The following CDNF variants were observed in gnomAD, a reference collection of about 807,000 sequenced individuals.
CDNF encodes the protein cerebral dopamine neurotrophic factor.
A neutral mutation model predicts 14.8 loss-of-function variants in CDNF; 9 were observed. That is an observed-to-expected ratio of 0.61 (90% confidence interval 0.37 to 1.06). The LOEUF is 1.06. Among genes scored for constraint, CDNF ranks in the 50% least tolerant of loss-of-function variants. The probability of loss-of-function intolerance (pLI) is 0.01; values close to 1 mark genes in which losing one functional copy is unlikely to be tolerated. For missense variants in CDNF, 228 were observed against 228.4 expected (o/e 1.00, Z 0.01); for synonymous variants, 86 against 87.2 (o/e 0.99, Z 0.07).
At chr10:14,820,508 C>T (rs1469560035) in intron 3 of CDNF, among the ~76,000 whole-genome samples, 1 of 152,046 alleles carries the variant, frequency 6.6e-6, no homozygotes, top group Non-Finnish European at 1.5e-5. Context: ...GGGAGGATTG[C>T]CTGAGGTCAG....
intron 1 of CDNF, among the ~76,000 whole-genome samples, chr10:14,829,711 C>T (rs1313590612): frequency 2.6e-5 from 4 of 152,114 alleles, no homozygotes; most frequent in Non-Finnish European, 5.9e-5. Context: ...CTCTCTGCAA[C>T]CTCTGCCTCC....
chr10:14,823,401 T>C (rs1833753879), intron 3 of CDNF, among the ~76,000 whole-genome samples: 1 of 152,212 alleles, frequency 6.6e-6, no homozygotes, highest in African/African-American at 2.4e-5. Context: ...CTCAATAATA[T>C]CTGATTTTTC....
chr10:14,824,640 C>T (rs1249729036), intron 3 of CDNF, among the ~76,000 whole-genome samples: 1 of 150,998 alleles, frequency 6.6e-6, no homozygotes, highest in Non-Finnish European at 1.5e-5. Flanking sequence ...ACATCTCCTT[C>T]CTTTTCTTGC....
At chr10:14,829,882 G>A (rs1669733142) in intron 1 of CDNF, among the ~76,000 whole-genome samples, 1 of 152,038 alleles carries the variant, frequency 6.6e-6, no homozygotes, top group Admixed American at 6.6e-5. Flanking sequence ...TGCCCATCTC[G>A]GCCTCCCAAA....
chr10:14,835,411 T>C (rs1209449086), intron 1 of CDNF, among the ~76,000 whole-genome samples: 1 of 152,088 alleles, frequency 6.6e-6, no homozygotes, highest in African/African-American at 2.4e-5. Flanking sequence ...ATCATGACCA[T>C]GAAGAGAAGG....
At chr10:14,825,786 G>A (rs764495910) in intron 2 of CDNF, among the ~76,000 whole-genome samples, 166 bp from the exon 3 acceptor site, 7 of 151,852 alleles carry the variant, frequency 4.6e-5, no homozygotes, top group Non-Finnish European at 8.8e-5. Flanking sequence ...ATCATTTGAG[G>A]TCAGGAGTTC....
Position 14,837,230 on chromosome 10 carries a change from G to A in CDNF, c.115+602C>T, listed in dbSNP as rs563138954. On this transcript the variant is annotated intron_variant, in intron 1 of 3. Coordinates refer to ENST00000465530, the MANE Select transcript of CDNF (RefSeq NM_001029954.3). ...CAAAAACCAAAGTCTCAGAGCTAGG[G>A]GACTTGGTGGGATACAGACTCACGT... Among the ~76,000 whole-genome samples the A allele has an allele frequency of 3.3e-5, 5 of 152,274 alleles. No individual in the cohort carries two copies. The South Asian group carries it at 1.0e-3, about 32-fold the overall frequency.
Position 14,828,139 on chromosome 10 carries a change from CTAT to C in CDNF, c.243+3_243+5del. The C allele has an allele frequency of 6.2e-7, 1 of 1,613,048 alleles. No homozygotes were observed. Among genetic ancestry groups the C allele is most frequent in the African/African-American group, 1.3e-5 (1 of 74,934 alleles). On this transcript the variant is annotated splice_donor_5th_base_variant and intron_variant, in intron 2 of 3. Transcript: ENST00000465530. The stretch of plus-strand genomic sequence containing the variant: ...TGGGGAAAATGAAAGGTGAAATTTA[CTAT>C]ACCAGGCGGTTTTCTTTTCCTTTGG...
At chr10:14,835,173 T>G (rs1833876689) in intron 1 of CDNF, among the ~76,000 whole-genome samples, 2 of 152,168 alleles carry the variant, frequency 1.3e-5, no homozygotes, top group Non-Finnish European at 2.9e-5. Flanking sequence ...TGTTCACTAG[T>G]CAATTGGATG....
chr10:14,826,061 G>T (rs1185139286), intron 2 of CDNF, among the ~76,000 whole-genome samples: 14 of 137,136 alleles, frequency 1.0e-4, no homozygotes, highest in African/African-American at 4.1e-4. Flanking sequence ...AGAAGAAGAA[G>T]AAGAAGAAGA....
rs1177304832 is a variant in CDNF, at chr10:14,826,083, AAGAAGAAGAAGAAGCAGCAGC to A, written c.244-484_244-464del. 6.4e-4 allele frequency among the ~76,000 whole-genome samples: 90 copies of A among 140,194 alleles called. 1 individual carries two copies. Among genetic ancestry groups the A allele is most frequent in the South Asian group, 7.4e-4 (3 of 4,058 alleles). 92.0% of individuals were successfully genotyped at this position (140,194 alleles called of 152,430 possible). A position where few individuals can be genotyped will look rare whatever the true frequency, so the allele number is the denominator to read the frequency against. ...GAAGAAGAAGAAGAAGAAGAAGAAGAAGAAGAAGAAGAAGCAGCAGCAGCAGCAGCAGCAGCAGCAGAAGCA... is the reference window on the plus strand; with the variant it reads ...GAAGAAGAAGAAGAAGAAGAAGAAGAAGCAGCAGCAGCAGCAGCAGAAGCA... On this transcript the variant is annotated intron_variant, in intron 2 of 3. Coordinates refer to ENST00000465530, the MANE Select transcript of CDNF (RefSeq NM_001029954.3).
intron 1 of CDNF, among the ~76,000 whole-genome samples, chr10:14,832,806 GAAGCAGTTTATGGTGAC>G (rs938749587): frequency 6.7e-6 from 1 of 150,216 alleles, no homozygotes; most frequent in Non-Finnish European, 1.5e-5. Flanking sequence ...GACTGCAGGA[GAAGCAGTTTATGGTGAC>G]AAGCAGGAAT....
intron 3 of CDNF, among the ~76,000 whole-genome samples, chr10:14,821,910 T>C (rs368836997): frequency 6.6e-6 from 1 of 152,220 alleles, no homozygotes; most frequent in Non-Finnish European, 1.5e-5. Context: ...CAAAAAGTTA[T>C]GGTTCACTTT....
chr10:14,825,502 C>T lies in CDNF; in HGVS notation c.362G>A (p.Ser121Asn). 1 of 1,614,090 alleles carries T rather than the reference C, an allele frequency of 6.2e-7. No homozygotes were observed. Among genetic ancestry groups the T allele is most frequent in the Non-Finnish European group, 8.5e-7 (1 of 1,179,976 alleles). ...ACCATATTTCAGCTCACAGATCTGG[C>T]TATCCAACTTCTTCAGCTTCTCACA... ...KICEKLKKLD[S>N]QICELKYEKT... The change falls in exon 3 of 4, where the codon AGC becomes AAC. Residue 121 changes from serine (S) to asparagine (N), a missense_variant. Ser to Asn is a conservative substitution (Grantham distance 46). Transcript: ENST00000465530.
At chr10:14,827,885 C>T (rs557266004) in intron 2 of CDNF, among the ~76,000 whole-genome samples, 1 of 149,372 alleles carries the variant, frequency 6.7e-6, no homozygotes, top group Non-Finnish European at 1.5e-5. Context: ...GAGCAAGACT[C>T]TGTCTCAGAA....
intron 1 of CDNF, chr10:14,834,196 G>T (rs1833868176): frequency 6.6e-6 from 1 of 151,962 alleles, no homozygotes. Context: ...CAAAAAATTT[G>T]CTGGGTGTAA....
At chr10:14,829,311 G>A (rs1833824785) in intron 1 of CDNF, among the ~76,000 whole-genome samples, 2 of 152,148 alleles carry the variant, frequency 1.3e-5, no homozygotes, top group South Asian at 2.1e-4. Flanking sequence ...CCATCGTTAT[G>A]AGCCTAAAGT....
chr10:14,825,717 G>A, intron 2 of CDNF, 97 bp from the exon 3 acceptor site: 1 of 1,330,744 alleles, frequency 7.5e-7, no homozygotes, highest in Non-Finnish European at 1.1e-6. Context: ...GAAAGAGGTA[G>A]GCTGGACATG....
chr10:14,831,496 T>C (rs1019940583), intron 1 of CDNF, among the ~76,000 whole-genome samples: 1 of 149,428 alleles, frequency 6.7e-6, no homozygotes, highest in African/African-American at 2.4e-5. Flanking sequence ...CACATATATA[T>C]ACTGTATATA....
Sources: allele counts gnomAD v4.1 joint callset (sites outside exome capture counted in the v4.1 genomes callset), GRCh38; gene constraint gnomAD v4.1.1; transcripts MANE v1.5; gene names NCBI Gene and HGNC (gene_info 2026-07-23, HGNC 2026-07-21).